Variants in EYS observed in about 807,000 individuals in gnomAD.
EYS encodes the protein protein eyes shut homolog.
EYS carries 250 observed loss-of-function variants against 282.1 expected under a neutral mutation model. That is an observed-to-expected ratio of 0.89 (90% confidence interval 0.80 to 0.98). The LOEUF (loss-of-function observed/expected upper bound fraction) is 0.98, where lower values mean the gene tolerates loss of function less well. EYS is among the 50% of genes least tolerant of loss of function. The pLI, the probability that EYS is intolerant of heterozygous loss-of-function variation, is 0.00. For missense variants in EYS, 4,016 were observed against 3,709.0 expected (o/e 1.08, Z -2.15); for synonymous variants, 1,355 against 1,282.9 (o/e 1.06, Z -1.20).
chr6:65,367,627 GA>G (rs1409864832), intron 8 of EYS, among the ~76,000 whole-genome samples: 1 of 151,368 alleles, frequency 6.6e-6, no homozygotes, highest in Non-Finnish European at 1.5e-5. Context: ...AAGTTCCGCT[GA>G]AAAAAAGCGA....
At chr6:64,025,241 C>G (rs893221930) in intron 33 of EYS, among the ~76,000 whole-genome samples, 1 of 152,068 alleles carries the variant, frequency 6.6e-6, no homozygotes, top group Non-Finnish European at 1.5e-5. Context: ...GAGTTGGGAC[C>G]GTTGGTTTGC....
intron 2 of EYS, among the ~76,000 whole-genome samples, chr6:65,563,340 T>C (rs1465062462): frequency 6.6e-6 from 1 of 152,068 alleles, no homozygotes; most frequent in East Asian, 1.9e-4. Flanking sequence ...TTATTTCAAG[T>C]TCATTACTAA....
chr6:65,142,519 C>CAGAG (rs1554159732), intron 12 of EYS, among the ~76,000 whole-genome samples: 3 of 146,364 alleles, frequency 2.0e-5, no homozygotes, highest in African/African-American at 7.5e-5. Context: ...CACACACACA[C>CAGAG]AGAGTTCCAA....
intron 12 of EYS, among the ~76,000 whole-genome samples, chr6:65,288,874 A>G (rs973597385): frequency 6.6e-6 from 1 of 151,184 alleles, no homozygotes; most frequent in Non-Finnish European, 1.5e-5. Context: ...CTATTAAAAT[A>G]TGGTAAGCTA....
chr6:64,776,492 C>T (rs1361689261), intron 22 of EYS, among the ~76,000 whole-genome samples: 1 of 151,892 alleles, frequency 6.6e-6, no homozygotes, highest in Non-Finnish European at 1.5e-5. Context: ...TAAATATATT[C>T]TCTGGCTATC....
chr6:65,271,964 A>G (rs554695804), intron 12 of EYS, among the ~76,000 whole-genome samples: 2 of 152,240 alleles, frequency 1.3e-5, no homozygotes, highest in Non-Finnish European at 2.9e-5. Flanking sequence ...CCTGAATTTG[A>G]TTTTCAGCAT....
chr6:65,026,767 A>G (rs1022935630), intron 13 of EYS, among the ~76,000 whole-genome samples: 1 of 152,036 alleles, frequency 6.6e-6, no homozygotes, highest in African/African-American at 2.4e-5. Context: ...AATACAAAAA[A>G]TTAGCTGGGC....
intron 26 of EYS, among the ~76,000 whole-genome samples, chr6:64,569,665 C>T (rs931242606): frequency 6.6e-6 from 1 of 151,802 alleles, no homozygotes; most frequent in Non-Finnish European, 1.5e-5. Flanking sequence ...TGCGTGAACC[C>T]GGGAGGCGGA....
At chr6:65,604,291 G>A (rs1019999386) in intron 2 of EYS, among the ~76,000 whole-genome samples, 3 of 151,798 alleles carry the variant, frequency 2.0e-5, no homozygotes, top group South Asian at 2.1e-4. Flanking sequence ...TTCAACTTCC[G>A]ATCACATTTG....
At chr6:64,762,225 A>C (rs2149979323) in intron 22 of EYS, among the ~76,000 whole-genome samples, 1 of 152,332 alleles carries the variant, frequency 6.6e-6, no homozygotes. Context: ...ATGACTTTGT[A>C]ATGGTTGTCA....
chr6:65,190,235 T>C (rs2150239081), intron 12 of EYS, among the ~76,000 whole-genome samples: 1 of 148,812 alleles, frequency 6.7e-6, no homozygotes, highest in Admixed American at 6.8e-5. Flanking sequence ...GTTTATATTT[T>C]ATGTAAATTT....
chr6:65,293,921 G>A (rs777328327), intron 12 of EYS, among the ~76,000 whole-genome samples: 12 of 151,980 alleles, frequency 7.9e-5, no homozygotes, highest in East Asian at 5.8e-4. Context: ...CCATGGTTAC[G>A]TTGTTTTTAA....
intron 1 of EYS, among the ~76,000 whole-genome samples, chr6:65,706,824 G>T (rs538176903): frequency 6.6e-6 from 1 of 152,098 alleles, no homozygotes; most frequent in Admixed American, 6.6e-5. Flanking sequence ...GCAATCATAA[G>T]TACTTCATGA....
At chr6:63,793,887 G>A (rs1770577856) in intron 37 of EYS, among the ~76,000 whole-genome samples, 1 of 152,180 alleles carries the variant, frequency 6.6e-6, no homozygotes, top group African/African-American at 2.4e-5. Context: ...ATGTAGATGA[G>A]ACCTGAAACC....
intron 26 of EYS, among the ~76,000 whole-genome samples, chr6:64,497,491 C>G (rs1210573920): frequency 6.6e-6 from 1 of 151,976 alleles, no homozygotes; most frequent in Non-Finnish European, 1.5e-5. Flanking sequence ...ATTGCAAGAA[C>G]AAGAAACCCA....
chr6:64,453,314 C>T (rs1328377333), intron 26 of EYS, among the ~76,000 whole-genome samples: 2 of 152,176 alleles, frequency 1.3e-5, no homozygotes, highest in Non-Finnish European at 2.9e-5. Context: ...GAGATACCAT[C>T]TCACACCAGT....
chr6:64,451,207 AC>A (rs761577532), intron 26 of EYS, among the ~76,000 whole-genome samples: 1 of 152,204 alleles, frequency 6.6e-6, no homozygotes, highest in Admixed American at 6.5e-5. Flanking sequence ...AATACAAACT[AC>A]CATCAGAGAA....
At chr6:64,452,177 A>C (rs1407073832) in intron 26 of EYS, among the ~76,000 whole-genome samples, 2 of 152,138 alleles carry the variant, frequency 1.3e-5, no homozygotes, top group African/African-American at 2.4e-5. Flanking sequence ...ATACAAAATC[A>C]ATGTGCAAAA....
intron 22 of EYS, among the ~76,000 whole-genome samples, chr6:64,634,559 A>AGC (rs1562103225): frequency 1.3e-5 from 2 of 151,694 alleles, no homozygotes; most frequent in Non-Finnish European, 2.9e-5. Context: ...AAAAAAAAAA[A>AGC]AAAGAGCCCT....
Sources: gnomAD v4.1 joint callset for allele counts (sites outside exome capture counted in the v4.1 genomes callset) on GRCh38, gnomAD v4.1.1 for gene constraint, MANE v1.5 for transcripts, NCBI Gene and HGNC (gene_info 2026-07-23, HGNC 2026-07-21) for gene names.